Variants in MAFA observed in about 807,000 individuals in gnomAD.
The protein encoded by MAFA is transcription factor MafA.
For synonymous variants in MAFA, 244 were observed against 260.3 expected, an observed-to-expected ratio of 0.94 and a Z score of 0.60; for missense variants, 547 against 538.0, an observed-to-expected ratio of 1.02 and a Z score of -0.16.
At position 143,429,793 on chromosome 8, in the gene MAFA, TGG is replaced by T; in HGVS notation, c.612_613del (p.His204GlnfsTer232). The T allele has an allele frequency of 6.9e-7, 1 of 1,440,180 alleles. No individual in the cohort carries two copies. The highest frequency in any genetic ancestry group is 9.3e-7 in the Non-Finnish European group (1 of 1,075,502). The allele number at this position is 1,440,180 out of a possible 1,614,324, so 89.2% of individuals were successfully genotyped here. On this transcript the variant is annotated frameshift_variant, in exon 1 of 1. Transcript: ENST00000333480. LOFTEE classifies it low-confidence loss of function (END_TRUNC). The surrounding 1 kb of genome is among the most constrained non-coding windows in gnomAD (Gnocchi z 5.9). ...GTGTCCCGCGCCGCCATGGTGGTGG[TGG>T]TGGTGGTGGTGGTGGTGGGCGGCGT...
rs1455114283 is a variant in MAFA, at chr8:143,430,714, G to GGCCC, written c.-312_-309dup. Among the ~76,000 whole-genome samples, 2 of 147,902 alleles carry GGCCC rather than the reference G, an allele frequency of 1.4e-5. No homozygotes were observed. The highest frequency in any genetic ancestry group is 4.9e-5 in the African/African-American group (2 of 40,730). On this transcript the variant is annotated 5_prime_UTR_variant, in exon 1 of 1. Coordinates refer to ENST00000333480, the MANE Select transcript of MAFA (RefSeq NM_201589.4). ...CCGCGCCCCACCCGCGCCGCCGGCCGGCCCCGCCTCCCACGGCTAAACGCG... is the reference window on the plus strand; with the variant it reads ...CCGCGCCCCACCCGCGCCGCCGGCCGGCCCGCCCCGCCTCCCACGGCTAAACGCG...
Position 143,430,310 on chromosome 8 carries a change from T to C in MAFA, c.97A>G (p.Lys33Glu). 1 of 1,450,350 alleles carries C rather than the reference T, an allele frequency of 6.9e-7. No homozygotes were observed. Among genetic ancestry groups the C allele is most frequent in the Non-Finnish European group, 9.2e-7 (1 of 1,086,666 alleles). The allele number at this position is 1,450,350 out of a possible 1,614,324, so 89.8% of individuals were successfully genotyped here. ...DFDLMKFEVK[K>E]EPPEAERFCH... ...AAGCGCTCGGCCTCGGGAGGCTCCT[T>C]CTTCACCTCGAACTTCATCAGGTCG... Residue 33 changes from lysine to glutamate, a missense_variant, in exon 1 of 1, where the codon AAG becomes GAG. Lys to Glu is a moderately conservative substitution (Grantham distance 56). Coordinates refer to ENST00000333480, the MANE Select transcript of MAFA (RefSeq NM_201589.4).
Position 143,429,608 on chromosome 8 carries a change from A to G in MAFA, c.799T>C (p.Tyr267His). 1 of 1,599,938 alleles carries G rather than the reference A, an allele frequency of 6.3e-7. No individual in the cohort carries two copies. ...CGCTTGAAGCGGCAGGACTGCGCGT[A>G]GCCGCGGTTCTTGAGCGTGCGCCGC... ...QKRRTLKNRG[Y>H]AQSCRFKRVQ... The change falls in exon 1 of 1, where the codon TAC becomes CAC. Residue 267 changes from tyrosine (Y) to histidine (H), a missense_variant. Tyr to His is a moderately conservative substitution (Grantham distance 83). Transcript: ENST00000333480. The surrounding 1 kb of genome is among the most constrained non-coding windows in gnomAD (Gnocchi z 5.9).
rs1301721002 is a variant in MAFA, at chr8:143,429,363, C to A, written c.1044G>T (p.Thr348=). 1.4e-6 allele frequency: 2 copies of A among 1,387,694 alleles called. No homozygotes were observed. The highest frequency in any genetic ancestry group is 1.5e-5 in the African/African-American group (1 of 65,018). The allele number at this position is 1,387,694 out of a possible 1,614,324, so 86.0% of individuals were successfully genotyped here. The change falls in exon 1 of 1, where the codon ACG becomes ACT. Residue 348 remains threonine (T), a synonymous_variant. Transcript: ENST00000333480. The surrounding 1 kb of genome is among the most constrained non-coding windows in gnomAD (Gnocchi z 5.9). ...CCGGCGCCTACAGGAAGAAGTCGGC[C>A]GTGCCCTTGGCCCCGCCGGGACCGG... ...PQAGPGGAKG[T]ADFFL is the part of the protein sequence containing the mutation.
Position 143,429,665 on chromosome 8 carries a change from T to C in MAFA, c.742A>G (p.Ser248Gly), listed in dbSNP as rs754816548. 3 of 1,581,690 alleles carry C rather than the reference T, an allele frequency of 1.9e-6. No individual in the cohort carries two copies. Among genetic ancestry groups the C allele is most frequent in the Non-Finnish European group, 2.6e-6 (3 of 1,171,200 alleles). The part of the protein sequence containing the change: ...RELNRQLRGF[S>G]KEEVIRLKQK... ...TTGAGCCGGATGACCTCCTCCTTGC[T>C]GAAGCCGCGGAGCTGCCGGTTCAGC... Residue 248 changes from serine to glycine, a missense_variant, in exon 1 of 1, where the codon AGC becomes GGC. Physicochemically the swap from Ser to Gly is moderately conservative, Grantham distance 56. Coordinates refer to ENST00000333480, the MANE Select transcript of MAFA (RefSeq NM_201589.4). The surrounding 1 kb of genome is among the most constrained non-coding windows in gnomAD (Gnocchi z 5.9).
chr8:143,429,671 C>T lies in MAFA; in HGVS notation c.736G>A (p.Gly246Ser). 1.3e-6 allele frequency: 2 copies of T among 1,578,350 alleles called. No individual in the cohort carries two copies. Among genetic ancestry groups the T allele is most frequent in the East Asian group, 2.3e-5 (1 of 43,428 alleles). Residue 246 changes from glycine (G) to serine (S), a missense_variant, in exon 1 of 1, where the codon GGC (glycine) becomes AGC (serine). Transcript: ENST00000333480. The surrounding 1 kb of genome is among the most constrained non-coding windows in gnomAD (Gnocchi z 5.9). ...CGGATGACCTCCTCCTTGCTGAAGC[C>T]GCGGAGCTGCCGGTTCAGCTCGCGC... ...SVRELNRQLR[G>S]FSKEEVIRLK...
Position 143,430,671 on chromosome 8 carries a change from G to C in MAFA, c.-265C>G, listed in dbSNP as rs944571183. On this transcript the variant is annotated 5_prime_UTR_variant, in exon 1 of 1. Coordinates refer to ENST00000333480, the MANE Select transcript of MAFA (RefSeq NM_201589.4). The stretch of plus-strand genomic sequence containing the variant: ...CTCCTCCCCGCGGCCGCCGCCTCGG[G>C]CTGCTCCGGGACCGCTCCCGCGCCC... 2.0e-4 allele frequency among the ~76,000 whole-genome samples: 24 copies of C among 117,370 alleles called. No homozygotes were observed. The highest frequency in any genetic ancestry group is 3.3e-4 in the Non-Finnish European group (16 of 49,134). 77.0% of individuals were successfully genotyped at this position (117,370 alleles called of 152,430 possible). A position where few individuals can be genotyped will look rare whatever the true frequency, so the allele number is the denominator to read the frequency against.
In MAFA at chr8:143,430,288, C is replaced by A. The variant is rs996466428; in HGVS notation, c.119G>T (p.Arg40Leu). 2 of 1,449,430 alleles carry A rather than the reference C, an allele frequency of 1.4e-6. No homozygotes were observed. Among genetic ancestry groups the A allele is most frequent in the East Asian group, 3.2e-5 (1 of 31,696 alleles). 89.8% of individuals were successfully genotyped at this position (1,449,430 alleles called of 1,614,324 possible). A position where few individuals can be genotyped will look rare whatever the true frequency, so the allele number is the denominator to read the frequency against. The change falls in exon 1 of 1, where the codon CGC becomes CTC. Residue 40 changes from arginine (R) to leucine (L), a missense_variant. Coordinates refer to ENST00000333480, the MANE Select transcript of MAFA (RefSeq NM_201589.4). ...EVKKEPPEAERFCHRLPPGSL... is the reference protein window; with the variant it reads ...EVKKEPPEAELFCHRLPPGSL... ...GCCTGGCGGCAGGCGGTGGCAGAAG[C>A]GCTCGGCCTCGGGAGGCTCCTTCTT...
rs768626648 is a variant in MAFA at position 143,429,981 on chromosome 8, G to C, written c.426C>G (p.Leu142=). ...GCGCGCCGTGGTGGCCGCTGCCGATGAGCGCCTCCACCGCGTCCTCGGGCG... is the reference window on the plus strand; with the variant it reads ...GCGCGCCGTGGTGGCCGCTGCCGATCAGCGCCTCCACCGCGTCCTCGGGCG... ...NLTPEDAVEA[L]IGSGHHGAHH... The change falls in exon 1 of 1, where the codon CTC becomes CTG. Residue 142 remains leucine, a synonymous_variant. Coordinates refer to ENST00000333480, the MANE Select transcript of MAFA (RefSeq NM_201589.4). This position sits in a 1 kb window ranked among gnomAD's most constrained non-coding sequence, Gnocchi z 5.9. 1 of 1,313,380 alleles carries C rather than the reference G, an allele frequency of 7.6e-7. No individual in the cohort carries two copies. Among genetic ancestry groups the C allele is most frequent in the South Asian group, 1.9e-5 (1 of 52,290 alleles). 81.4% of individuals were successfully genotyped at this position (1,313,380 alleles called of 1,614,324 possible).
Position 143,429,254 on chromosome 8 carries a change from A to G in MAFA, c.*91T>C, listed in dbSNP as rs966597255. On this transcript the variant is annotated 3_prime_UTR_variant, in exon 1 of 1. Transcript: ENST00000333480. The surrounding 1 kb of genome is among the most constrained non-coding windows in gnomAD (Gnocchi z 5.9). The stretch of plus-strand genomic sequence containing the variant: ...CACGGCCGGGCCGGGCCTGGTGTCC[A>G]CGTCCTGTACCGCGGAGTCCGAGCC... The G allele has an allele frequency of 3.2e-6, 4 of 1,243,428 alleles. No individual in the cohort carries two copies. In the African/African-American group the frequency reaches 6.3e-5, roughly 20 times the overall value. 77.0% of individuals were successfully genotyped at this position (1,243,428 alleles called of 1,614,324 possible). A position where few individuals can be genotyped will look rare whatever the true frequency, so the allele number is the denominator to read the frequency against.
In MAFA at chr8:143,429,694, C is replaced by T. The variant is rs1272141741; in HGVS notation, c.713G>A (p.Arg238His). The change falls in exon 1 of 1, where the codon CGC becomes CAC. Residue 238 changes from arginine (R) to histidine (H), a missense_variant. Physicochemically the swap from Arg to His is conservative, Grantham distance 29. Transcript: ENST00000333480. This position sits in a 1 kb window ranked among gnomAD's most constrained non-coding sequence, Gnocchi z 5.9. The stretch of plus-strand genomic sequence containing the variant: ...GCCGCGGAGCTGCCGGTTCAGCTCG[C>T]GCACCGACATGGACACCAGCTGGTC... ...SDDQLVSMSV[R>H]ELNRQLRGFS... 1.9e-6 allele frequency: 3 copies of T among 1,570,958 alleles called. No homozygotes were observed. Among genetic ancestry groups the T allele is most frequent in the East Asian group, 2.3e-5 (1 of 42,986 alleles).
At position 143,430,030 on chromosome 8, in the gene MAFA, A is replaced by T; in HGVS notation, c.377T>A (p.Leu126His). The change falls in exon 1 of 1, where the codon CTC becomes CAC. Residue 126 changes from leucine to histidine, a missense_variant. Leu to His is a moderately conservative substitution (Grantham distance 99). Transcript: ENST00000333480. ...CGTCAGGTTGAGCGCCTCGGGGTTG[A>T]GGTGATGCTGGTAGCCGCTCATCCA... ...LYWMSGYQHH[L>H]NPEALNLTPE... 7.3e-7 allele frequency: 1 copy of T among 1,372,488 alleles called. No individual in the cohort carries two copies. Among genetic ancestry groups the T allele is most frequent in the Non-Finnish European group, 9.5e-7 (1 of 1,052,984 alleles). The allele number at this position is 1,372,488 out of a possible 1,614,324, so 85.0% of individuals were successfully genotyped here.
In MAFA at chr8:143,430,670, G is replaced by A. The variant is rs890379994; in HGVS notation, c.-264C>T. Reference sequence around the variant, plus strand: ...CCTCCTCCCCGCGGCCGCCGCCTCGGGCTGCTCCGGGACCGCTCCCGCGCC... The same window carrying A: ...CCTCCTCCCCGCGGCCGCCGCCTCGAGCTGCTCCGGGACCGCTCCCGCGCC... On this transcript the variant is annotated 5_prime_UTR_variant, in exon 1 of 1. Transcript: ENST00000333480. Among the ~76,000 whole-genome samples the A allele has an allele frequency of 8.5e-6, 1 of 117,790 alleles. No individual in the cohort carries two copies. The highest frequency in any genetic ancestry group is 2.7e-5 in the African/African-American group (1 of 37,094). 77.3% of individuals were successfully genotyped at this position (117,790 alleles called of 152,430 possible).
In MAFA at chr8:143,429,607, T is replaced by C; in HGVS notation, c.800A>G (p.Tyr267Cys). The C allele has an allele frequency of 6.3e-7, 1 of 1,599,892 alleles. No individual in the cohort carries two copies. Among genetic ancestry groups the C allele is most frequent in the Non-Finnish European group, 8.5e-7 (1 of 1,178,444 alleles). Residue 267 changes from tyrosine (Y) to cysteine (C), a missense_variant, in exon 1 of 1, where the codon TAC (tyrosine) becomes TGC (cysteine). Transcript: ENST00000333480. The surrounding 1 kb of genome is among the most constrained non-coding windows in gnomAD (Gnocchi z 5.9). ...QKRRTLKNRG[Y>C]AQSCRFKRVQ... Reference sequence around the variant, plus strand: ...CCGCTTGAAGCGGCAGGACTGCGCGTAGCCGCGGTTCTTGAGCGTGCGCCG... The same window carrying C: ...CCGCTTGAAGCGGCAGGACTGCGCGCAGCCGCGGTTCTTGAGCGTGCGCCG...
chr8:143,430,480 C>G lies in MAFA; in HGVS notation c.-74G>C, dbSNP rs560224773. 2.1e-4 allele frequency: 96 copies of G among 454,330 alleles called. No individual in the cohort carries two copies. The highest frequency in any genetic ancestry group is 1.4e-3 in the African/African-American group (63 of 46,490). The allele number at this position is 454,330 out of a possible 1,614,324, so 28.1% of individuals were successfully genotyped here. On this transcript the variant is annotated 5_prime_UTR_variant, in exon 1 of 1. Transcript: ENST00000333480. Reference sequence around the variant, plus strand: ...GGGGGGGAGCTGCAGGCCTCTCCCCCCCCTGCTCCCCGCGGGCGGCGGTCC... The same window carrying G: ...GGGGGGGAGCTGCAGGCCTCTCCCCGCCCTGCTCCCCGCGGGCGGCGGTCC...
In MAFA at chr8:143,429,419, C is replaced by A; in HGVS notation, c.988G>T (p.Gly330Cys). ...RGGPGSAGGA[G>C]FPREPSPPQA... ...GGCGGCGAAGGCTCCCGCGGGAAAC[C>A]GGCCCCGCCCGCGCTCCCGGGGCCG... The change falls in exon 1 of 1, where the codon GGT becomes TGT. Residue 330 changes from glycine (G) to cysteine (C), a missense_variant. Physicochemically the swap from Gly to Cys is radical, Grantham distance 159. Coordinates refer to ENST00000333480, the MANE Select transcript of MAFA (RefSeq NM_201589.4). The surrounding 1 kb of genome is among the most constrained non-coding windows in gnomAD (Gnocchi z 5.9). The A allele has an allele frequency of 6.6e-7, 1 of 1,520,696 alleles. No individual in the cohort carries two copies. The highest frequency in any genetic ancestry group is 1.2e-5 in the South Asian group (1 of 81,884). 94.2% of individuals were successfully genotyped at this position (1,520,696 alleles called of 1,614,324 possible). A position where few individuals can be genotyped will look rare whatever the true frequency, so the allele number is the denominator to read the frequency against.
chr8:143,429,576 C>G lies in MAFA; in HGVS notation c.831G>C (p.Gln277His). Reference protein sequence around the residue: ...YAQSCRFKRVQQRHILESEKC... With the variant: ...YAQSCRFKRVHQRHILESEKC... Reference sequence around the variant, plus strand: ...TCTCGCTCTCCAGAATGTGCCGCTGCTGCACCCGCTTGAAGCGGCAGGACT... The same window carrying G: ...TCTCGCTCTCCAGAATGTGCCGCTGGTGCACCCGCTTGAAGCGGCAGGACT... The change falls in exon 1 of 1, where the codon CAG (glutamine) becomes CAC (histidine). Residue 277 changes from glutamine to histidine, a missense_variant. Coordinates refer to ENST00000333480, the MANE Select transcript of MAFA (RefSeq NM_201589.4). The surrounding 1 kb of genome is among the most constrained non-coding windows in gnomAD (Gnocchi z 5.9). The G allele has an allele frequency of 6.2e-7, 1 of 1,604,040 alleles. No individual in the cohort carries two copies.
rs1433086891 is a variant in MAFA, at chr8:143,429,245, C to T, written c.*100G>A. The T allele has an allele frequency of 8.2e-7, 1 of 1,224,100 alleles. No homozygotes were observed. The highest frequency in any genetic ancestry group is 1.0e-6 in the Non-Finnish European group (1 of 983,256). 75.8% of individuals were successfully genotyped at this position (1,224,100 alleles called of 1,614,324 possible). A position where few individuals can be genotyped will look rare whatever the true frequency, so the allele number is the denominator to read the frequency against. ...CGGGGCCAGCACGGCCGGGCCGGGC[C>T]TGGTGTCCACGTCCTGTACCGCGGA... On this transcript the variant is annotated 3_prime_UTR_variant, in exon 1 of 1. Coordinates refer to ENST00000333480, the MANE Select transcript of MAFA (RefSeq NM_201589.4). The surrounding 1 kb of genome is among the most constrained non-coding windows in gnomAD (Gnocchi z 5.9).
Position 143,429,931 on chromosome 8 carries a change from G to A in MAFA, c.476C>T (p.Ala159Val). The A allele has an allele frequency of 7.9e-7, 1 of 1,261,444 alleles. No individual in the cohort carries two copies. The highest frequency in any genetic ancestry group is 9.9e-7 in the Non-Finnish European group (1 of 1,006,476). The allele number at this position is 1,261,444 out of a possible 1,614,324, so 78.1% of individuals were successfully genotyped here. ...GCGGAAAGCCTCGTAGGCTGCGGCG[G>A]CCGCCGGGTGGTGCGCGCCGTGGTG... ...GAHHGAHHPA[A>V]AAAYEAFRGP... is the part of the protein sequence containing the mutation. Residue 159 changes from alanine to valine, a missense_variant, in exon 1 of 1, where the codon GCC becomes GTC. Ala to Val is a moderately conservative substitution (Grantham distance 64). Transcript: ENST00000333480. The surrounding 1 kb of genome is among the most constrained non-coding windows in gnomAD (Gnocchi z 5.9).
Sources: allele counts gnomAD v4.1 joint callset (sites outside exome capture counted in the v4.1 genomes callset), GRCh38; gene constraint gnomAD v4.1.1; non-coding constraint Gnocchi (gnomAD v3.1); transcripts MANE v1.5; gene names NCBI Gene and HGNC (gene_info 2026-07-23, HGNC 2026-07-21).